PRSS27: variants seen among roughly 807,000 people sequenced by gnomAD.
PRSS27 encodes channel-activating protease 2.
In PRSS27, 25 loss-of-function variants were observed where a neutral mutation model predicts 32.0. That is an observed-to-expected ratio of 0.78 (90% CI 0.57 to 1.09). The LOEUF (loss-of-function observed/expected upper bound fraction) is 1.09, where lower values mean the gene tolerates loss of function less well. Among genes scored for constraint, PRSS27 ranks in the 50% least tolerant of loss-of-function variants. PRSS27 has a pLI of 0.00. For synonymous variants in PRSS27, 178 were observed against 172.2 expected, an observed-to-expected ratio of 1.03 and a Z score of -0.26; for missense variants, 401 against 394.9, an observed-to-expected ratio of 1.02 and a Z score of -0.13.
rs994807055 is a variant in PRSS27 at position 2,719,526 on chromosome 16, G to A, written c.46+589C>T. Among the ~76,000 whole-genome samples, 6 of 152,256 alleles carry A rather than the reference G, an allele frequency of 3.9e-5. No individual in the cohort carries two copies. The Middle Eastern group carries it at 0.01, about 259-fold the overall frequency. On this transcript the variant is annotated intron_variant, in intron 1 of 5. Coordinates refer to ENST00000302641, the MANE Select transcript of PRSS27 (RefSeq NM_031948.5). ...AGGTGGGGCCCCCTGGCTGGCACCTGCTGTCCCTGACCCAGGACTGGGAGA... is the reference window on the plus strand; with the variant it reads ...AGGTGGGGCCCCCTGGCTGGCACCTACTGTCCCTGACCCAGGACTGGGAGA...
Position 2,716,389 on chromosome 16 carries a change from C to T in PRSS27, c.73+111G>A, listed in dbSNP as rs2067702648. ...TCCACACAGCCCCCACTTTCCCCTC[C>T]TCTGGAATTCCCCAGTGTCCTGTGC... is the stretch of plus-strand genomic sequence containing the variant. On this transcript the variant is annotated intron_variant, in intron 2 of 5. Transcript: ENST00000302641. The T allele has an allele frequency of 2.9e-6, 3 of 1,031,330 alleles. No homozygotes were observed. In the African/African-American group the frequency reaches 4.7e-5, roughly 16 times the overall value. 63.9% of individuals were successfully genotyped at this position (1,031,330 alleles called of 1,614,324 possible).
rs1327388956 is a variant in PRSS27, at chr16:2,714,401, C to A, written c.237-65G>T. ...CGTGTGGGGACAGGCCCGGGAGGGGCTGGGGCTCCTCTGGCCACCACCGTG... is the reference window on the plus strand; with the variant it reads ...CGTGTGGGGACAGGCCCGGGAGGGGATGGGGCTCCTCTGGCCACCACCGTG... On this transcript the variant is annotated intron_variant, in intron 3 of 5. Transcript: ENST00000302641. The surrounding 1 kb of genome is among the most constrained non-coding windows in gnomAD (Gnocchi z 4.7). The A allele has an allele frequency of 6.4e-7, 1 of 1,558,710 alleles. No individual in the cohort carries two copies. Among genetic ancestry groups the A allele is most frequent in the Non-Finnish European group, 8.7e-7 (1 of 1,155,322 alleles).
At position 2,714,343 on chromosome 16, in the gene PRSS27, G is replaced by T. The variant is rs562959247; in HGVS notation, c.237-7C>A. The T allele has an allele frequency of 2.0e-5, 32 of 1,611,710 alleles. No homozygotes were observed. In the African/African-American group the frequency reaches 3.3e-4, roughly 17 times the overall value. On this transcript the variant is annotated splice_region_variant and splice_polypyrimidine_tract_variant and intron_variant, in intron 3 of 5. Coordinates refer to ENST00000302641, the MANE Select transcript of PRSS27 (RefSeq NM_031948.5). This position sits in a 1 kb window ranked among gnomAD's most constrained non-coding sequence, Gnocchi z 4.7. Reference sequence around the variant, plus strand: ...CAGGGACGTCTCAGAGGTGCTGGCGGGAGAAACAGAGAGGCGGCGTGAGGC... The same window carrying T: ...CAGGGACGTCTCAGAGGTGCTGGCGTGAGAAACAGAGAGGCGGCGTGAGGC...
intron 3 of PRSS27, chr16:2,715,467 T>G (rs1431654938): frequency 6.0e-5 from 21 of 349,882 alleles, no homozygotes; most frequent in African/African-American, 2.4e-4. Context: ...AGTGGGTGAG[T>G]GGGTGGAGGG....
Position 2,714,171 on chromosome 16 carries a change from C to T in PRSS27, c.402G>A (p.Val134=). ...CGGGGAGGATGTAATTGGTGAAGGGCACTGGTGCCTCCAGCTCCACCAGGG... is the reference window on the plus strand; with the variant it reads ...CGGGGAGGATGTAATTGGTGAAGGGTACTGGTGCCTCCAGCTCCACCAGGG... The part of the protein sequence containing the change: ...DVALVELEAP[V]PFTNYILPVC... Residue 134 remains valine, a synonymous_variant, in exon 4 of 6, where the codon GTG becomes GTA. Transcript: ENST00000302641. The surrounding 1 kb of genome is among the most constrained non-coding windows in gnomAD (Gnocchi z 4.7). The T allele has an allele frequency of 6.2e-7, 1 of 1,614,110 alleles. No homozygotes were observed. The highest frequency in any genetic ancestry group is 8.5e-7 in the Non-Finnish European group (1 of 1,180,038).
chr16:2,716,617 G>A, intron 1 of PRSS27, 91 bp from the exon 2 acceptor site: 2 of 1,265,786 alleles, frequency 1.6e-6, no homozygotes, highest in East Asian at 5.0e-5. Flanking sequence ...ACCCTCCCCA[G>A]CTCCTGAGGA....
intron 5 of PRSS27, 57 bp downstream of exon 5, chr16:2,713,472 C>T (rs1170451265): frequency 6.3e-7 from 1 of 1,580,022 alleles, no homozygotes; most frequent in Admixed American, 1.7e-5. Flanking sequence ...ATGATCCCAC[C>T]CTGCCCTGGG....
intron 4 of PRSS27, 127 bp from the exon 5 acceptor site, chr16:2,713,825 G>T: frequency 8.9e-7 from 1 of 1,120,486 alleles, no homozygotes; most frequent in Non-Finnish European, 1.3e-6. Flanking sequence ...TTAGGGCACT[G>T]TGGGGCAGAC....
chr16:2,715,637 G>A, intron 3 of PRSS27, 81 bp downstream of exon 3: 3 of 1,175,018 alleles, frequency 2.6e-6, no homozygotes, highest in East Asian at 6.1e-5. Context: ...TTGGCGCGGC[G>A]GGCGCTGTCC....
rs144915363 is a variant in PRSS27, at chr16:2,713,562, G to A, written c.645C>T (p.Ala215=). The part of the protein sequence containing the change: ...PKTIKNDMLC[A]GFEEGKKDAC... ...CATCCTTCTTGCCCTCCTCGAAGCCGGCGCACAGCATGTCATTCTTGATGG... is the reference window on the plus strand; with the variant it reads ...CATCCTTCTTGCCCTCCTCGAAGCCAGCGCACAGCATGTCATTCTTGATGG... The change falls in exon 5 of 6, where the codon GCC becomes GCT. Residue 215 remains alanine (A), a synonymous_variant. Transcript: ENST00000302641. 8.1e-5 allele frequency: 131 copies of A among 1,614,228 alleles called. No individual in the cohort carries two copies. The highest frequency in any genetic ancestry group is 5.1e-4 in the South Asian group (46 of 91,086).
At position 2,714,387 on chromosome 16, in the gene PRSS27, A is replaced by G. The variant is rs2067687718; in HGVS notation, c.237-51T>C. 6.3e-7 allele frequency: 1 copy of G among 1,594,434 alleles called. No homozygotes were observed. Among genetic ancestry groups the G allele is most frequent in the African/African-American group, 1.3e-5 (1 of 74,922 alleles). ...GTGAGGCGGCCCCTCGTGTGGGGACAGGCCCGGGAGGGGCTGGGGCTCCTC... is the reference window on the plus strand; with the variant it reads ...GTGAGGCGGCCCCTCGTGTGGGGACGGGCCCGGGAGGGGCTGGGGCTCCTC... On this transcript the variant is annotated intron_variant, in intron 3 of 5. Transcript: ENST00000302641. The surrounding 1 kb of genome is among the most constrained non-coding windows in gnomAD (Gnocchi z 4.7).
rs1181905524 is a variant in PRSS27, at chr16:2,712,678, A to G, written c.815T>C (p.Ile272Thr). 6.3e-7 allele frequency: 1 copy of G among 1,599,880 alleles called. No individual in the cohort carries two copies. Among genetic ancestry groups the G allele is most frequent in the East Asian group, 2.3e-5 (1 of 44,312 alleles). ...CTGCAGTTTGGGGATGATCCGATGGATCCAGTTGTGGTGGGCGGTGACACG... is the reference window on the plus strand; with the variant it reads ...CTGCAGTTTGGGGATGATCCGATGGGTCCAGTTGTGGTGGGCGGTGACACG... The part of the protein sequence containing the change: ...YIRVTAHHNW[I>T]HRIIPKLQFQ... The change falls in exon 6 of 6, where the codon ATC becomes ACC. Residue 272 changes from isoleucine (I) to threonine (T), a missense_variant. Coordinates refer to ENST00000302641, the MANE Select transcript of PRSS27 (RefSeq NM_031948.5). This position sits in a 1 kb window ranked among gnomAD's most constrained non-coding sequence, Gnocchi z 4.6.
At chr16:2,719,725 C>T (rs1008975017) in intron 1 of PRSS27, among the ~76,000 whole-genome samples, 4 of 152,182 alleles carry the variant, frequency 2.6e-5, no homozygotes, top group Non-Finnish European at 4.4e-5. Flanking sequence ...ATGGTCCAGG[C>T]ACTTGGAGCC....
Position 2,715,685 on chromosome 16 carries a change from G to C in PRSS27, c.236+33C>G, listed in dbSNP as rs558741535. ...CGGTCGCGCGCGGGGCGCTGTCAGC[G>C]CTATGGGCGGGGGCAGGGGCGGGCG... On this transcript the variant is annotated intron_variant, in intron 3 of 5. Coordinates refer to ENST00000302641, the MANE Select transcript of PRSS27 (RefSeq NM_031948.5). The C allele has an allele frequency of 1.1e-4, 170 of 1,535,580 alleles. 1 individual carries two copies. The South Asian group carries it at 1.9e-3, about 17-fold the overall frequency.
intron 5 of PRSS27, chr16:2,713,170 C>T (rs2067674906): frequency 5.0e-5 from 23 of 464,110 alleles, no homozygotes; most frequent in South Asian, 4.9e-4. Context: ...GCGATCTCGG[C>T]TCACTGCAAG....
In PRSS27 at chr16:2,720,137, C is replaced by A. The variant is rs200095934; in HGVS notation, c.24G>T (p.Pro8=). 6.2e-7 allele frequency: 1 copy of A among 1,602,530 alleles called. No individual in the cohort carries two copies. The part of the protein sequence containing the change: MRRPAAV[P]LLLLLCFGSQ... Reference sequence around the variant, plus strand: ...CACCAAAACACAGCAGCAGCAGGAGCGGCACCGCCGCCGGCCGCCTCATGT... The same window carrying A: ...CACCAAAACACAGCAGCAGCAGGAGAGGCACCGCCGCCGGCCGCCTCATGT... Residue 8 remains proline, a synonymous_variant, in exon 1 of 6, where the codon CCG becomes CCT. Transcript: ENST00000302641.
At chr16:2,716,210 C>T (rs999977891) in intron 2 of PRSS27, 28 of 572,694 alleles carry the variant, frequency 4.9e-5, no homozygotes, top group Non-Finnish European at 8.4e-5. Context: ...AGGTGTCAAG[C>T]CCTCTGCAAG....
intron 1 of PRSS27, among the ~76,000 whole-genome samples, chr16:2,719,029 C>T (rs2067719280): frequency 6.6e-6 from 1 of 152,200 alleles, no homozygotes. Context: ...GATGGTGAAG[C>T]TTAGTGGGTA....
chr16:2,720,207 A>T lies in PRSS27; in HGVS notation c.-47T>A, dbSNP rs1043051871. ...GCAGGGCCGTGGTCGGCGGTGGCAG[A>T]AGCGTTGGAGCACGAGCGAGGTGCA... On this transcript the variant is annotated 5_prime_UTR_variant, in exon 1 of 6. Coordinates refer to ENST00000302641, the MANE Select transcript of PRSS27 (RefSeq NM_031948.5). 2 of 1,540,038 alleles carry T rather than the reference A, an allele frequency of 1.3e-6. No individual in the cohort carries two copies. The highest frequency in any genetic ancestry group is 1.4e-5 in the African/African-American group (1 of 73,200).
Sources: gnomAD v4.1 joint callset for allele counts (sites outside exome capture counted in the v4.1 genomes callset) on GRCh38, gnomAD v4.1.1 for gene constraint, Gnocchi (gnomAD v3.1) non-coding constraint, MANE v1.5 for transcripts, NCBI Gene and HGNC (gene_info 2026-07-23, HGNC 2026-07-21) for gene names.